Variants in GLI1 observed in about 807,000 individuals in gnomAD.
GLI1 encodes the protein transcription activator GLI1.
GLI1 carries 51 observed loss-of-function variants against 87.8 expected under a neutral mutation model. That is an observed-to-expected ratio of 0.58 (90% CI 0.46 to 0.73). The LOEUF (loss-of-function observed/expected upper bound fraction) is 0.73, where lower values mean the gene tolerates loss of function less well. Among genes scored for constraint, GLI1 ranks in the 30% least tolerant of loss-of-function variants. The probability of loss-of-function intolerance (pLI) is 0.00; values close to 1 mark genes in which losing one functional copy is unlikely to be tolerated. For missense variants in GLI1, 1,292 were observed against 1,437.2 expected (o/e 0.90, Z 1.63); for synonymous variants, 528 against 558.2 (o/e 0.95, Z 0.76).
chr12:57,460,461 C>T (rs1310173231), intron 1 of GLI1: 2 of 152,408 alleles, frequency 1.3e-5, no homozygotes, highest in Non-Finnish European at 2.9e-5. Context: ...TCCGCCTCTC[C>T]CATATATTAG....
chr12:57,464,602 G>A, intron 3 of GLI1, 71 bp from the exon 4 acceptor site: 1 of 1,088,846 alleles, frequency 9.2e-7, no homozygotes, highest in Admixed American at 2.1e-5. Context: ...TGCCAAGTCA[G>A]GACCCATAGG....
chr12:57,464,445 C>T (rs766288432), intron 3 of GLI1, among the ~76,000 whole-genome samples: 9 of 151,634 alleles, frequency 5.9e-5, no homozygotes, highest in Non-Finnish European at 1.0e-4. Context: ...TCACTTGAAC[C>T]TGGGAACGCA....
intron 8 of GLI1, 102 bp downstream of exon 8, chr12:57,466,491 C>T: frequency 1.3e-6 from 1 of 752,926 alleles, no homozygotes; most frequent in East Asian, 2.8e-5. Flanking sequence ...TCCTTTCTTC[C>T]ATAAACAAAT....
chr12:57,469,540 G>A lies in GLI1; in HGVS notation c.1418G>A (p.Gly473Asp), dbSNP rs374392091. 1.9e-6 allele frequency: 3 copies of A among 1,614,082 alleles called. No homozygotes were observed. The highest frequency in any genetic ancestry group is 1.7e-5 in the Admixed American group (1 of 60,002). The change falls in exon 11 of 12, where the codon GGC becomes GAC. Residue 473 changes from glycine to aspartate, a missense_variant. Physicochemically the swap from Gly to Asp is moderately conservative, Grantham distance 94. Transcript: ENST00000228682. ...GTGGAAATGACTGGCAATGCAGGGG[G>A]CAGCACTGAAGACCTCTCCAGCTTG... Reference protein sequence around the residue: ...SGVEMTGNAGGSTEDLSSLDE... With the variant: ...SGVEMTGNAGDSTEDLSSLDE...
intron 11 of GLI1, 123 bp from the exon 12 acceptor site, chr12:57,470,194 C>T: frequency 1.4e-6 from 1 of 731,350 alleles, no homozygotes. Context: ...GGAGACAGAA[C>T]AGACTGGTTA....
intron 8 of GLI1, among the ~76,000 whole-genome samples, chr12:57,466,979 T>C (rs1014862617): frequency 6.6e-6 from 1 of 152,180 alleles, no homozygotes; most frequent in African/African-American, 2.4e-5. Context: ...CCTTCAGTAC[T>C]GTGCCTACTA....
In GLI1 at chr12:57,470,337, G is replaced by A. The variant is rs779612265; in HGVS notation, c.1597G>A (p.Val533Met). The A allele has an allele frequency of 6.4e-6, 10 of 1,574,182 alleles. No homozygotes were observed. Among genetic ancestry groups the A allele is most frequent in the East Asian group, 2.2e-5 (1 of 44,478 alleles). Residue 533 changes from valine to methionine, a missense_variant, in exon 12 of 12, where the codon GTG becomes ATG. Transcript: ENST00000228682. ...SHTGTTVSRR[V>M]GPPVSLERRS... is the part of the protein sequence containing the mutation. ...TGCAGGTACCACTGTGTCCCGCCGC[G>A]TGGGCCCCCCAGTCTCTCTTGAACG...
intron 1 of GLI1, among the ~76,000 whole-genome samples, chr12:57,462,101 G>A (rs1871175844): frequency 6.6e-6 from 1 of 152,150 alleles, no homozygotes; most frequent in Admixed American, 6.5e-5. Flanking sequence ...GGCAAGTTTG[G>A]GGGAGTCTCT....
Position 57,471,556 on chromosome 12 carries a change from G to T in GLI1, c.2816G>T (p.Ser939Ile). Residue 939 changes from serine (S) to isoleucine (I), a missense_variant, in exon 12 of 12, where the codon AGC (serine) becomes ATC (isoleucine). Physicochemically the swap from Ser to Ile is moderately radical, Grantham distance 142. Coordinates refer to ENST00000228682, the MANE Select transcript of GLI1 (RefSeq NM_005269.3). The surrounding 1 kb of genome is among the most constrained non-coding windows in gnomAD (Gnocchi z 4.9). The stretch of plus-strand genomic sequence containing the variant: ...CTGGGGGGTTCCCAGGTTAGCCCAA[G>T]CCGTGCTAAAGCTCCAGTGAACACA... Reference protein sequence around the residue: ...KFLGGSQVSPSRAKAPVNTYG... With the variant: ...KFLGGSQVSPIRAKAPVNTYG... 6.2e-7 allele frequency: 1 copy of T among 1,613,656 alleles called. No individual in the cohort carries two copies. The highest frequency in any genetic ancestry group is 8.5e-7 in the Non-Finnish European group (1 of 1,179,884).
At chr12:57,467,253 T>A (rs1004993766) in intron 8 of GLI1, 80 bp from the exon 9 acceptor site, 2 of 1,160,140 alleles carry the variant, frequency 1.7e-6, no homozygotes, top group African/African-American at 3.0e-5. Context: ...CTGATGTGTG[T>A]CCTGTTGGAG....
In GLI1 at chr12:57,470,321, CACT is replaced by C. The variant is rs1871785806; in HGVS notation, c.1582_1584del (p.Thr528del). On this transcript the variant is annotated inframe_deletion, in exon 12 of 12. Transcript: ENST00000228682. ...TTTTCTCCCCATCACTTGCAGGTAC[CACT>C]GTGTCCCGCCGCGTGGGCCCCCCAG... 6.4e-7 allele frequency: 1 copy of C among 1,551,382 alleles called. No homozygotes were observed. The highest frequency in any genetic ancestry group is 1.4e-5 in the African/African-American group (1 of 73,162).
chr12:57,470,333 C>T lies in GLI1; in HGVS notation c.1593C>T (p.Arg531=). The stretch of plus-strand genomic sequence containing the variant: ...CACTTGCAGGTACCACTGTGTCCCG[C>T]CGCGTGGGCCCCCCAGTCTCTCTTG... The part of the protein sequence containing the change: ...SLSHTGTTVS[R]RVGPPVSLER... Residue 531 remains arginine, a synonymous_variant, in exon 12 of 12, where the codon CGC becomes CGT. Coordinates refer to ENST00000228682, the MANE Select transcript of GLI1 (RefSeq NM_005269.3). 3.2e-6 allele frequency: 5 copies of T among 1,571,112 alleles called. No homozygotes were observed. The highest frequency in any genetic ancestry group is 4.3e-6 in the Non-Finnish European group (5 of 1,157,914).
At chr12:57,465,341 C>A in intron 5 of GLI1, 86 bp downstream of exon 5, 1 of 1,271,060 alleles carries the variant, frequency 7.9e-7, no homozygotes, top group Non-Finnish European at 1.1e-6. Flanking sequence ...GAAGGAAGGA[C>A]AAGGGATATA....
intron 8 of GLI1, among the ~76,000 whole-genome samples, chr12:57,466,699 C>T (rs1426037492): frequency 1.3e-5 from 2 of 151,954 alleles, no homozygotes; most frequent in Non-Finnish European, 2.9e-5. Context: ...GTCAGGAGTT[C>T]GAGACCAGCT....
In GLI1 at chr12:57,464,043, G is replaced by C. The variant is rs537495636; in HGVS notation, c.145G>C (p.Gly49Arg). ...CTGCCACCAAGCTAACCTCATGTCC[G>C]GCCCCCACAGTTATGGGCCAGCCAG... ...PFCHQANLMS[G>R]PHSYGPARET... Residue 49 changes from glycine to arginine, a missense_variant, in exon 3 of 12, where the codon GGC becomes CGC. Gly to Arg is a moderately radical substitution (Grantham distance 125, BLOSUM62 -2). Coordinates refer to ENST00000228682, the MANE Select transcript of GLI1 (RefSeq NM_005269.3). The C allele has an allele frequency of 3.7e-6, 6 of 1,613,908 alleles. No homozygotes were observed. In the East Asian group the frequency reaches 1.1e-4, roughly 30 times the overall value.
At position 57,466,161 on chromosome 12, in the gene GLI1, CA is replaced by C. The variant is rs1004242705; in HGVS notation, c.763-78del. ...TTGAGGTGGAGTCGTGGAAGAGGAA[CA>C]GGGGGTGGAGGGAAGGTCTGTTCTG... is the stretch of plus-strand genomic sequence containing the variant. On this transcript the variant is annotated intron_variant, in intron 7 of 11. Coordinates refer to ENST00000228682, the MANE Select transcript of GLI1 (RefSeq NM_005269.3). 1.7e-5 allele frequency: 24 copies of C among 1,440,782 alleles called. No homozygotes were observed. The African/African-American group carries it at 2.5e-4, about 15-fold the overall frequency. The allele number at this position is 1,440,782 out of a possible 1,614,324, so 89.2% of individuals were successfully genotyped here.
At chr12:57,467,577 C>T (rs1871580589) in intron 9 of GLI1, 80 bp downstream of exon 9, 1 of 1,201,104 alleles carries the variant, frequency 8.3e-7, no homozygotes, top group South Asian at 1.5e-5. Context: ...ATCCCTTAGC[C>T]CAGCACCCAC....
rs767226194 is a variant in GLI1, at chr12:57,465,108, C to T, written c.390-3C>T. The T allele has an allele frequency of 2.5e-5, 40 of 1,613,836 alleles. No homozygotes were observed. The highest frequency in any genetic ancestry group is 3.3e-5 in the Non-Finnish European group (39 of 1,179,770). ...TTAAGTAACTGCCTCCTCTCCTCCT[C>T]AGCCCATCTCTGGGATTCCCAGCCC... On this transcript the variant is annotated splice_region_variant and splice_polypyrimidine_tract_variant and intron_variant, in intron 4 of 11. Coordinates refer to ENST00000228682, the MANE Select transcript of GLI1 (RefSeq NM_005269.3).
At chr12:57,462,771 G>A (rs1351004684) in intron 1 of GLI1, among the ~76,000 whole-genome samples, 1 of 152,192 alleles carries the variant, frequency 6.6e-6, no homozygotes, top group African/African-American at 2.4e-5. Context: ...TTCTGTCTAA[G>A]AGGGCAGATG....
Sources: allele counts gnomAD v4.1 joint callset (sites outside exome capture counted in the v4.1 genomes callset), GRCh38; gene constraint gnomAD v4.1.1; non-coding constraint Gnocchi (gnomAD v3.1); transcripts MANE v1.5; gene names NCBI Gene and HGNC (gene_info 2026-07-23, HGNC 2026-07-21).